Variants in TRPM3 observed in about 807,000 individuals in gnomAD.
TRPM3 encodes the protein long transient receptor potential channel 3.
Under a neutral mutation model 181.2 loss-of-function variants are expected in TRPM3, and 77 were observed. The ratio of observed to expected loss-of-function variants is 0.42; its 90% CI spans 0.35 to 0.51. TRPM3 has a LOEUF of 0.51. Among genes scored for constraint, TRPM3 ranks in the 20% least tolerant of loss-of-function variants. The pLI is 0.01. For missense variants in TRPM3, 1,759 were observed against 2,196.7 expected, an observed-to-expected ratio of 0.80 and a Z score of 3.98; for synonymous variants, 745 against 796.4, an observed-to-expected ratio of 0.94 and a Z score of 1.09.
chr9:70,888,452 T>C (rs1225447229), intron 1 of TRPM3, among the ~76,000 whole-genome samples: 1 of 151,324 alleles, frequency 6.6e-6, no homozygotes, highest in Non-Finnish European at 1.5e-5. Context: ...AAGTTAGAAA[T>C]TACCAGATAT....
intron 1 of TRPM3, among the ~76,000 whole-genome samples, chr9:71,043,770 C>T (rs377720578): frequency 1.4e-3 from 207 of 152,310 alleles, no homozygotes; most frequent in African/African-American, 4.0e-3. Flanking sequence ...TGGGGACTGA[C>T]AAGCGAATCT....
At chr9:71,285,359 T>G (rs1247884374) in intron 1 of TRPM3, among the ~76,000 whole-genome samples, 1 of 152,250 alleles carries the variant, frequency 6.6e-6, no homozygotes. Context: ...TGTAAAGAGA[T>G]GGCCTTTGCC....
intron 1 of TRPM3, among the ~76,000 whole-genome samples, chr9:71,283,784 C>T (rs990303080): frequency 2.6e-5 from 4 of 152,236 alleles, no homozygotes; most frequent in Admixed American, 2.6e-4. Context: ...TCTATTCTTA[C>T]ATTTTTAACT....
intron 20 of TRPM3, among the ~76,000 whole-genome samples, chr9:70,600,200 T>C (rs1247592583): frequency 6.6e-6 from 1 of 152,144 alleles, no homozygotes; most frequent in African/African-American, 2.4e-5. Flanking sequence ...TGCCACTTAG[T>C]GAAGCTGTGC....
chr9:71,004,457 T>C (rs926513921), intron 1 of TRPM3, among the ~76,000 whole-genome samples: 1 of 152,192 alleles, frequency 6.6e-6, no homozygotes, highest in Admixed American at 6.5e-5. Context: ...GCGGTTAAGC[T>C]CCAGTGTTAA....
chr9:70,920,054 G>A (rs188927571), intron 1 of TRPM3, among the ~76,000 whole-genome samples: 114 of 152,228 alleles, frequency 7.5e-4, no homozygotes, highest in African/African-American at 2.7e-3. Flanking sequence ...AAGTCCAATG[G>A]GGAGGCTAGG....
At chr9:70,559,275 G>T (rs2048475450) in intron 22 of TRPM3, among the ~76,000 whole-genome samples, 2 of 152,182 alleles carry the variant, frequency 1.3e-5, no homozygotes, top group South Asian at 4.1e-4. Context: ...TGCAATGTCA[G>T]GCCACATTCT....
rs374302720 is a variant in TRPM3 at position 70,761,580 on chromosome 9, C to A, written c.1272+21G>T. The A allele has an allele frequency of 2.5e-6, 4 of 1,613,840 alleles. No homozygotes were observed. In the African/African-American group the frequency reaches 5.3e-5, roughly 22 times the overall value. ...GACTGAAAATGTGGAGACAGCTGGC[C>A]ACCCATGCGGAATTACCTACCAATT... On this transcript the variant is annotated intron_variant, in intron 8 of 25. Transcript: ENST00000677713.
At chr9:71,026,688 T>A (rs971211686) in intron 1 of TRPM3, among the ~76,000 whole-genome samples, 7 of 152,126 alleles carry the variant, frequency 4.6e-5, no homozygotes, top group Non-Finnish European at 7.4e-5. Flanking sequence ...ACTCCAGTGC[T>A]CTGCCCCTGT....
At chr9:71,316,384 T>C (rs1440669833) in intron 1 of TRPM3, among the ~76,000 whole-genome samples, 1 of 152,196 alleles carries the variant, frequency 6.6e-6, no homozygotes, top group Non-Finnish European at 1.5e-5. Flanking sequence ...ATCTCAAAGA[T>C]GTCCATGTTT....
intron 1 of TRPM3, among the ~76,000 whole-genome samples, chr9:71,191,582 C>T (rs1438779417): frequency 2.0e-5 from 3 of 151,790 alleles, no homozygotes; most frequent in Non-Finnish European, 4.4e-5. Context: ...ACCCAAATGT[C>T]TGGACTCCAG....
Position 71,161,182 on chromosome 9 carries a change from A to T in TRPM3, c.183+285471T>A, listed in dbSNP as rs147486628. Among the ~76,000 whole-genome samples, 628 of 152,290 alleles carry T rather than the reference A, an allele frequency of 4.1e-3. 6 individuals carry two copies. The highest frequency in any genetic ancestry group is 6.4e-3 in the Non-Finnish European group (437 of 68,012). On this transcript the variant is annotated intron_variant, in intron 1 of 24. Transcript: ENST00000357533. ...TTCTCACAGGTCTAATTGTTTCTTTAGGAGGAAACTCCAACTACTTTCACG... is the reference window on the plus strand; with the variant it reads ...TTCTCACAGGTCTAATTGTTTCTTTTGGAGGAAACTCCAACTACTTTCACG...
At position 71,330,163 on chromosome 9, in the gene TRPM3, C is replaced by T. The variant is rs1021216388; in HGVS notation, c.183+116490G>A. On this transcript the variant is annotated intron_variant, in intron 1 of 24. Transcript: ENST00000357533. ...TCCTGCAGGCGGCTCTTGTGTTTGT[C>T]GGACCACACACAGGAACATCTCCCT... Among the ~76,000 whole-genome samples, 9 of 151,912 alleles carry T rather than the reference C, an allele frequency of 5.9e-5. No homozygotes were observed. In the South Asian group the frequency reaches 6.2e-4, roughly 11 times the overall value.
intron 22 of TRPM3, among the ~76,000 whole-genome samples, chr9:70,580,026 G>A (rs1285105128): frequency 6.6e-6 from 1 of 152,156 alleles, no homozygotes; most frequent in Non-Finnish European, 1.5e-5. Context: ...TGAGAGGAGC[G>A]ATTCACATAC....
At chr9:70,748,020 AT>A (rs985285003) in intron 8 of TRPM3, among the ~76,000 whole-genome samples, 5 of 152,168 alleles carry the variant, frequency 3.3e-5, no homozygotes, top group African/African-American at 7.2e-5. Flanking sequence ...TTAAACATTT[AT>A]TTTTAGAGTG....
At chr9:70,651,332 C>T (rs1038529075) in intron 9 of TRPM3, among the ~76,000 whole-genome samples, 1 of 152,040 alleles carries the variant, frequency 6.6e-6, no homozygotes, top group Non-Finnish European at 1.5e-5. Flanking sequence ...ATGCTAATCC[C>T]TTTTTTATTA....
At chr9:71,208,770 C>G (rs1339089671) in intron 1 of TRPM3, among the ~76,000 whole-genome samples, 1 of 152,260 alleles carries the variant, frequency 6.6e-6, no homozygotes, top group East Asian at 1.9e-4. Flanking sequence ...ATCTGCTAAA[C>G]TATATACTAT....
chr9:71,429,721 A>G (rs1426746934), intron 1 of TRPM3, among the ~76,000 whole-genome samples: 1 of 152,180 alleles, frequency 6.6e-6, no homozygotes, highest in African/African-American at 2.4e-5. Context: ...CCTAAGTGTT[A>G]CACAGTCCCC....
intron 1 of TRPM3, among the ~76,000 whole-genome samples, chr9:71,017,843 T>C (rs1029298504): frequency 2.6e-5 from 4 of 151,822 alleles, no homozygotes; most frequent in African/African-American, 9.7e-5. Flanking sequence ...CTAACTGACA[T>C]ACATAGAACT....
Sources: gnomAD v4.1 joint callset for allele counts (sites outside exome capture counted in the v4.1 genomes callset) on GRCh38, gnomAD v4.1.1 for gene constraint, MANE v1.5 for transcripts, NCBI Gene and HGNC (gene_info 2026-07-23, HGNC 2026-07-21) for gene names.